The following ARHGAP31 variants were observed in gnomAD, a reference collection of about 807,000 sequenced individuals.
ARHGAP31 encodes rho GTPase-activating protein 31.
In ARHGAP31, 34 loss-of-function variants were observed where a neutral mutation model predicts 113.9. The ratio of observed to expected loss-of-function variants is 0.30; its 90% CI spans 0.23 to 0.40. ARHGAP31 has a LOEUF of 0.40. Among genes scored for constraint, ARHGAP31 ranks in the 10% least tolerant of loss-of-function variants. ARHGAP31 has a pLI of 1.00. For synonymous variants in ARHGAP31, 650 were observed against 684.8 expected (o/e 0.95, Z 0.79); for missense variants, 1,548 against 1,767.1 (o/e 0.88, Z 2.22).
chr3:119,358,787 G>A (rs1390496141), intron 1 of ARHGAP31, among the ~76,000 whole-genome samples: 1 of 152,126 alleles, frequency 6.6e-6, no homozygotes. Context: ...TGTCCAAAAC[G>A]GGCAAACCCA....
chr3:119,383,247 A>G (rs1487598890), intron 6 of ARHGAP31, 21 bp downstream of exon 6: 1 of 1,613,694 alleles, frequency 6.2e-7, no homozygotes, highest in Non-Finnish European at 8.5e-7. Context: ...CTCCTAGCAT[A>G]CACTCCACCA....
intron 1 of ARHGAP31, among the ~76,000 whole-genome samples, chr3:119,360,010 T>G (rs1410760087): frequency 1.3e-5 from 2 of 152,186 alleles, no homozygotes; most frequent in Non-Finnish European, 2.9e-5. Flanking sequence ...TTTTATTACC[T>G]CAAACAAGAT....
intron 9 of ARHGAP31, among the ~76,000 whole-genome samples, chr3:119,401,284 G>A (rs989869534): frequency 4.4e-4 from 67 of 152,160 alleles, no homozygotes; most frequent in Non-Finnish European, 7.6e-4. Flanking sequence ...GAAAAGGTGG[G>A]GAAGGTCTAG....
chr3:119,294,656 G>T lies in ARHGAP31; in HGVS notation c.-249G>T. 1 of 562,018 alleles carries T rather than the reference G, an allele frequency of 1.8e-6. No homozygotes were observed. The highest frequency in any genetic ancestry group is 3.1e-6 in the Non-Finnish European group (1 of 322,910). The allele number at this position is 562,018 out of a possible 1,614,324, so 34.8% of individuals were successfully genotyped here. ...AGGAAGTGACACTCCCAGGCGAGCCGGCCCGCGGCTGCCAGTCTGCACGGC... is the reference window on the plus strand; with the variant it reads ...AGGAAGTGACACTCCCAGGCGAGCCTGCCCGCGGCTGCCAGTCTGCACGGC... On this transcript the variant is annotated 5_prime_UTR_variant, in exon 1 of 12. Coordinates refer to ENST00000264245, the MANE Select transcript of ARHGAP31 (RefSeq NM_020754.4).
At chr3:119,390,405 C>T (rs2080493095) in intron 6 of ARHGAP31, among the ~76,000 whole-genome samples, 1 of 152,236 alleles carries the variant, frequency 6.6e-6, no homozygotes, top group Admixed American at 6.5e-5. Flanking sequence ...GCTGGACAGA[C>T]ATATTCCCAT....
chr3:119,369,511 G>A (rs2080278305), intron 3 of ARHGAP31, among the ~76,000 whole-genome samples: 1 of 152,196 alleles, frequency 6.6e-6, no homozygotes, highest in African/African-American at 2.4e-5. Context: ...CACTAACAGT[G>A]GGAGGGAACC....
intron 3 of ARHGAP31, among the ~76,000 whole-genome samples, chr3:119,373,502 C>T (rs1158331792): frequency 2.0e-5 from 3 of 150,914 alleles, no homozygotes; most frequent in Non-Finnish European, 4.4e-5. Flanking sequence ...CTTGCTCTGT[C>T]GCCCAGGCTG....
chr3:119,337,159 G>A (rs1168402042), intron 1 of ARHGAP31, among the ~76,000 whole-genome samples: 1 of 152,214 alleles, frequency 6.6e-6, no homozygotes, highest in Non-Finnish European at 1.5e-5. Context: ...TGAAGCCGCG[G>A]ACCCTGGCAG....
intron 1 of ARHGAP31, among the ~76,000 whole-genome samples, chr3:119,342,702 C>G (rs543197479): frequency 6.6e-6 from 1 of 152,202 alleles, no homozygotes; most frequent in East Asian, 1.9e-4. Context: ...GTATTCCCAG[C>G]GCTTGGGGAG....
At chr3:119,392,492 G>C (rs1453653195) in intron 7 of ARHGAP31, among the ~76,000 whole-genome samples, 1 of 152,210 alleles carries the variant, frequency 6.6e-6, no homozygotes, top group African/African-American at 2.4e-5. Flanking sequence ...TTGAGATCTG[G>C]ATGTTCCACG....
At chr3:119,404,523 A>G (rs904166137) in intron 10 of ARHGAP31, among the ~76,000 whole-genome samples, 1 of 152,224 alleles carries the variant, frequency 6.6e-6, no homozygotes, top group Non-Finnish European at 1.5e-5. Flanking sequence ...TCAGTGTCTT[A>G]TCTTCTTCCA....
At position 119,406,162 on chromosome 3, in the gene ARHGAP31, G is replaced by A. The variant is rs12488590; in HGVS notation, c.1646-3334G>A. Among the ~76,000 whole-genome samples the A allele has an allele frequency of 3.9e-3, 595 of 152,258 alleles. 12 individuals are homozygous for A. In the East Asian group the frequency reaches 0.056, roughly 14 times the overall value. ...TGCATGCCATAATGGAGGCAATAGGGAGCCATTGAGGGTTTTCAGCAAGGG... is the reference window on the plus strand; with the variant it reads ...TGCATGCCATAATGGAGGCAATAGGAAGCCATTGAGGGTTTTCAGCAAGGG... On this transcript the variant is annotated intron_variant, in intron 10 of 11. Coordinates refer to ENST00000264245, the MANE Select transcript of ARHGAP31 (RefSeq NM_020754.4).
At chr3:119,411,100 T>C (rs72968490) in intron 11 of ARHGAP31, among the ~76,000 whole-genome samples, 2,811 of 152,234 alleles carry the variant, frequency 0.018, 74 homozygotes, top group African/African-American at 0.063. Flanking sequence ...GCATTCCCAT[T>C]CAAGGAATGG....
chr3:119,415,886 C>G lies in ARHGAP31; in HGVS notation c.3957C>G (p.Asp1319Glu). ...TGTCAGAGACAGAGCCATCTGGGGA[C>G]AACCTTCTTTCTTCAAAACTAGAGC... ...KRMSETEPSG[D>E]NLLSSKLERP... Residue 1319 changes from aspartate (D) to glutamate (E), a missense_variant, in exon 12 of 12, where the codon GAC (aspartate) becomes GAG (glutamate). Transcript: ENST00000264245. The G allele has an allele frequency of 6.2e-7, 1 of 1,614,218 alleles. No homozygotes were observed. The highest frequency in any genetic ancestry group is 1.1e-5 in the South Asian group (1 of 91,084).
chr3:119,360,368 T>A (rs970234939), intron 1 of ARHGAP31, among the ~76,000 whole-genome samples: 1 of 151,968 alleles, frequency 6.6e-6, no homozygotes, highest in Non-Finnish European at 1.5e-5. Context: ...GATGGGGGAG[T>A]GCCTGTTTCC....
At position 119,294,892 on chromosome 3, in the gene ARHGAP31, T is replaced by C; in HGVS notation, c.-13T>C. On this transcript the variant is annotated 5_prime_UTR_variant, in exon 1 of 12. Coordinates refer to ENST00000264245, the MANE Select transcript of ARHGAP31 (RefSeq NM_020754.4). ...CGGCAGAGACGGAGGGGCAGCCTCT[T>C]TGGGACTAACTCATGAAGAACAAGG... 1 of 1,613,376 alleles carries C rather than the reference T, an allele frequency of 6.2e-7. No individual in the cohort carries two copies.
chr3:119,353,893 T>C (rs1039282235), intron 1 of ARHGAP31, among the ~76,000 whole-genome samples: 1 of 152,126 alleles, frequency 6.6e-6, no homozygotes, highest in Non-Finnish European at 1.5e-5. Flanking sequence ...AAGATCTTAT[T>C]ACCTTTTGTT....
chr3:119,363,400 C>A (rs2080227353), intron 1 of ARHGAP31, among the ~76,000 whole-genome samples: 1 of 152,180 alleles, frequency 6.6e-6, no homozygotes, highest in South Asian at 2.1e-4. Context: ...CACCCCCCAT[C>A]ACACCCTACT....
chr3:119,383,953 G>A (rs62266694), intron 6 of ARHGAP31, among the ~76,000 whole-genome samples: 1 of 152,194 alleles, frequency 6.6e-6, no homozygotes, highest in African/African-American at 2.4e-5. Flanking sequence ...AAGGTTACTG[G>A]ACATCATCCC....
Sources: gnomAD v4.1 joint callset for allele counts (sites outside exome capture counted in the v4.1 genomes callset) on GRCh38, gnomAD v4.1.1 for gene constraint, MANE v1.5 for transcripts, NCBI Gene and HGNC (gene_info 2026-07-23, HGNC 2026-07-21) for gene names.